Variants in GRIA4 observed in about 807,000 individuals in gnomAD.
GRIA4 encodes the protein glutamate receptor 4.
In GRIA4, 34 loss-of-function variants were observed where a neutral mutation model predicts 104.0. That is an observed-to-expected ratio of 0.33 (90% CI 0.25 to 0.44). The LOEUF is 0.44. Among genes scored for constraint, GRIA4 ranks in the 20% least tolerant of loss-of-function variants. GRIA4 has a pLI of 1.00. For missense variants in GRIA4, 750 were observed against 1,096.5 expected, an observed-to-expected ratio of 0.68 and a Z score of 4.46; for synonymous variants, 386 against 381.9, an observed-to-expected ratio of 1.01 and a Z score of -0.13.
intron 4 of GRIA4, among the ~76,000 whole-genome samples, chr11:105,773,142 T>A (rs1348476876): frequency 6.6e-6 from 1 of 152,104 alleles, no homozygotes; most frequent in East Asian, 1.9e-4. Flanking sequence ...TTTTAAAAAA[T>A]TATTGACTTT....
intron 4 of GRIA4, among the ~76,000 whole-genome samples, chr11:105,836,814 C>T (rs575726056): frequency 1.3e-5 from 2 of 152,220 alleles, no homozygotes; most frequent in East Asian, 3.9e-4. Context: ...GATGAATTTA[C>T]TATATGTGTG....
intron 5 of GRIA4, among the ~76,000 whole-genome samples, chr11:105,863,975 A>G (rs952360399): frequency 3.9e-5 from 6 of 152,206 alleles, no homozygotes; most frequent in Non-Finnish European, 7.3e-5. Flanking sequence ...TGTCATATTA[A>G]AGAAATTAGA....
chr11:105,974,756 G>C (rs948373548), intron 16 of GRIA4: 1 of 511,260 alleles, frequency 2.0e-6, no homozygotes, highest in African/African-American at 1.9e-5. Context: ...TATCTGCATT[G>C]CAAGGGTCAG....
At chr11:105,837,190 G>C (rs1303862554) in intron 4 of GRIA4, among the ~76,000 whole-genome samples, 1 of 152,080 alleles carries the variant, frequency 6.6e-6, no homozygotes, top group East Asian at 1.9e-4. Flanking sequence ...CCACCCCCAT[G>C]ATCCAATCAC....
intron 4 of GRIA4, among the ~76,000 whole-genome samples, chr11:105,843,419 T>C (rs1379533563): frequency 1.3e-5 from 2 of 152,236 alleles, no homozygotes; most frequent in African/African-American, 4.8e-5. Flanking sequence ...ATATATAACT[T>C]ATTAGAGCCT....
At chr11:105,831,516 G>A (rs1565270528) in intron 4 of GRIA4, among the ~76,000 whole-genome samples, 1 of 152,012 alleles carries the variant, frequency 6.6e-6, no homozygotes, top group Non-Finnish European at 1.5e-5. Flanking sequence ...ACACTCATTT[G>A]TATGCAGTGT....
At chr11:105,978,103 T>C (rs1192831208) in intron 16 of GRIA4, among the ~76,000 whole-genome samples, 1 of 152,084 alleles carries the variant, frequency 6.6e-6, no homozygotes, top group Non-Finnish European at 1.5e-5. Flanking sequence ...TGATAAATTA[T>C]GAATAATTTT....
At chr11:105,773,128 CT>C (rs540833289) in intron 4 of GRIA4, among the ~76,000 whole-genome samples, 2 of 152,026 alleles carry the variant, frequency 1.3e-5, no homozygotes, top group African/African-American at 4.8e-5. Context: ...CCTTCTCATT[CT>C]TTTTTTAAAA....
At chr11:105,802,776 A>T (rs533898988) in intron 4 of GRIA4, among the ~76,000 whole-genome samples, 3 of 15,950 alleles carry the variant, frequency 1.9e-4, no homozygotes, top group Admixed American at 1.2e-3. Flanking sequence ...TATGTCATTG[A>T]AAAAAACAAC....
chr11:105,912,562 AGG>A (rs1947287873), intron 10 of GRIA4: 1 of 318,508 alleles, frequency 3.1e-6, no homozygotes, highest in South Asian at 1.3e-4. Flanking sequence ...ATATATATAA[AGG>A]ATATTCTGTA....
chr11:105,878,183 T>G (rs1304811196), intron 5 of GRIA4, among the ~76,000 whole-genome samples: 1 of 152,220 alleles, frequency 6.6e-6, no homozygotes, highest in Middle Eastern at 3.2e-3. Flanking sequence ...TTTCTGCAGG[T>G]CTGCTGCAGT....
chr11:105,795,396 A>T (rs630567), intron 4 of GRIA4, among the ~76,000 whole-genome samples: 69,566 of 151,916 alleles, frequency 0.46, 16,305 homozygotes, highest in Middle Eastern at 0.52. Context: ...TGGAGAAGTC[A>T]TGCCTTGGCT....
intron 3 of GRIA4, among the ~76,000 whole-genome samples, chr11:105,751,277 G>A (rs781219479): frequency 2.0e-5 from 3 of 152,058 alleles, no homozygotes; most frequent in African/African-American, 7.2e-5. Flanking sequence ...AAAATATGAA[G>A]GAGCTGAGTA....
intron 3 of GRIA4, among the ~76,000 whole-genome samples, chr11:105,652,339 C>T (rs114509546): frequency 1.8e-3 from 271 of 152,120 alleles, no homozygotes; most frequent in African/African-American, 6.1e-3. Flanking sequence ...TGGAAAGAAG[C>T]CCATCAGATC....
intron 3 of GRIA4, among the ~76,000 whole-genome samples, chr11:105,637,896 C>CTTGCAACT (rs1415733588): frequency 6.6e-6 from 1 of 152,134 alleles, no homozygotes; most frequent in African/African-American, 2.4e-5. Context: ...CGATGAAAAA[C>CTTGCAACT]TGGTTGCAAG....
intron 4 of GRIA4, among the ~76,000 whole-genome samples, chr11:105,810,362 G>A (rs1943123621): frequency 6.6e-6 from 1 of 152,190 alleles, no homozygotes; most frequent in South Asian, 2.1e-4. Context: ...GAAAGAGAGG[G>A]AGAAGTAGTT....
chr11:105,949,794 T>C (rs1224558582), intron 14 of GRIA4, among the ~76,000 whole-genome samples: 1 of 152,210 alleles, frequency 6.6e-6, no homozygotes, highest in Non-Finnish European at 1.5e-5. Context: ...GAATAAAATA[T>C]AGTTAGGACT....
intron 14 of GRIA4, among the ~76,000 whole-genome samples, chr11:105,969,665 C>T (rs2136280584): frequency 6.6e-6 from 1 of 152,228 alleles, no homozygotes; most frequent in South Asian, 2.1e-4. Flanking sequence ...CTCCTCCTCC[C>T]AGCCCACCCC....
intron 3 of GRIA4, among the ~76,000 whole-genome samples, chr11:105,731,709 G>A (rs1938599563): frequency 2.6e-5 from 4 of 152,068 alleles, no homozygotes; most frequent in Admixed American, 2.6e-4. Context: ...AAAAAAGAAT[G>A]AGTTCATGTA....
Sources: allele counts gnomAD v4.1 joint callset (sites outside exome capture counted in the v4.1 genomes callset), GRCh38; gene constraint gnomAD v4.1.1; transcripts MANE v1.5; gene names NCBI Gene and HGNC (gene_info 2026-07-23, HGNC 2026-07-21).